SPECC1L: variants seen among roughly 807,000 people sequenced by gnomAD.
The protein encoded by SPECC1L is sperm antigen with calponin homology and coiled-coil domains 1 like, also known as cytospin-A.
A neutral mutation model predicts 116.8 loss-of-function variants in SPECC1L; 40 were observed. The observed-to-expected ratio is 0.34, with a 90% CI of 0.27 to 0.45. The LOEUF is 0.45. Among genes scored for constraint, SPECC1L ranks in the 20% least tolerant of loss-of-function variants. SPECC1L has a pLI of 1.00. For synonymous variants in SPECC1L, 504 were observed against 500.6 expected, an observed-to-expected ratio of 1.01 and a Z score of -0.09; for missense variants, 1,110 against 1,373.6, an observed-to-expected ratio of 0.81 and a Z score of 3.03.
At chr22:24,382,993 C>T (rs1475088401) in intron 14 of SPECC1L, among the ~76,000 whole-genome samples, 1 of 152,120 alleles carries the variant, frequency 6.6e-6, no homozygotes, top group Admixed American at 6.6e-5. Flanking sequence ...AGAGCTATTA[C>T]CAAAGACTTA....
intron 11 of SPECC1L, among the ~76,000 whole-genome samples, chr22:24,357,795 C>A (rs543789416): frequency 1.3e-5 from 2 of 152,290 alleles, no homozygotes; most frequent in Non-Finnish European, 1.5e-5. Flanking sequence ...TTTCTTAATG[C>A]CTGCTCCAAT....
At chr22:24,317,686 G>A (rs1364953728) in intron 4 of SPECC1L, among the ~76,000 whole-genome samples, 7 of 150,024 alleles carry the variant, frequency 4.7e-5, no homozygotes, top group South Asian at 2.1e-4. Context: ...CCTCCTGGAC[G>A]GGGTGGCTGC....
intron 1 of SPECC1L, 109 bp downstream of exon 1, chr22:24,271,092 A>G (rs1442962859): frequency 2.6e-5 from 4 of 152,082 alleles, no homozygotes; most frequent in Admixed American, 6.5e-5. Context: ...CGGCAGGCCC[A>G]GCGCCTGCGC....
rs1378962818 is a variant in SPECC1L at position 24,399,754 on chromosome 22, C to T, written c.3088-11834C>T. ...TCCCACAGAATCAGGGATGGCTTCC[C>T]TTTCTTGGGAATAGCCATTTACAGA... On this transcript the variant is annotated intron_variant, in intron 14 of 16. Transcript: ENST00000314328. 2.6e-5 allele frequency among the ~76,000 whole-genome samples: 4 copies of T among 152,144 alleles called. No homozygotes were observed. In the East Asian group the frequency reaches 7.7e-4, roughly 29 times the overall value.
At chr22:24,308,664 C>G (rs1253377810) in intron 3 of SPECC1L, among the ~76,000 whole-genome samples, 1 of 151,548 alleles carries the variant, frequency 6.6e-6, no homozygotes, top group Non-Finnish European at 1.5e-5. Flanking sequence ...CTTTTTTTTA[C>G]TAGACTTTTC....
chr22:24,298,110 A>C (rs374126688), intron 2 of SPECC1L, among the ~76,000 whole-genome samples: 98 of 152,264 alleles, frequency 6.4e-4, no homozygotes, highest in African/African-American at 2.2e-3. Flanking sequence ...TTTTGAATGT[A>C]ATGTATAATA....
intron 14 of SPECC1L, among the ~76,000 whole-genome samples, chr22:24,391,100 C>A (rs960289398): frequency 6.6e-6 from 1 of 151,894 alleles, no homozygotes; most frequent in African/African-American, 2.4e-5. Context: ...TGGTCTCAAT[C>A]TCCTGATCTT....
intron 11 of SPECC1L, among the ~76,000 whole-genome samples, chr22:24,358,241 A>G (rs1217196350): frequency 6.6e-6 from 1 of 151,188 alleles, no homozygotes; most frequent in Non-Finnish European, 1.5e-5. Flanking sequence ...CAGTCCCCCA[A>G]GTAGCTAGGG....
At chr22:24,297,812 G>C (rs2049297350) in intron 2 of SPECC1L, among the ~76,000 whole-genome samples, 1 of 152,240 alleles carries the variant, frequency 6.6e-6, no homozygotes, top group African/African-American at 2.4e-5. Context: ...TATCCATGCT[G>C]TGTGTGCTGC....
At chr22:24,289,114 C>T (rs2146360872) in intron 2 of SPECC1L, among the ~76,000 whole-genome samples, 1 of 152,274 alleles carries the variant, frequency 6.6e-6, no homozygotes, top group Non-Finnish European at 1.5e-5. Context: ...GTTTAAACTG[C>T]CTGCCAAGAG....
chr22:24,412,965 C>T (rs190298735), intron 16 of SPECC1L, among the ~76,000 whole-genome samples: 3 of 152,288 alleles, frequency 2.0e-5, no homozygotes, highest in African/African-American at 7.2e-5. Flanking sequence ...AGGCCTGAGA[C>T]CATGGGCCCA....
At chr22:24,399,595 A>G (rs946248723) in intron 14 of SPECC1L, among the ~76,000 whole-genome samples, 1 of 152,190 alleles carries the variant, frequency 6.6e-6, no homozygotes, top group Non-Finnish European at 1.5e-5. Flanking sequence ...AAAAAGTTAA[A>G]GCATATTAAA....
chr22:24,352,588 T>C (rs534927987), intron 11 of SPECC1L, among the ~76,000 whole-genome samples: 4 of 152,238 alleles, frequency 2.6e-5, no homozygotes, highest in Admixed American at 6.5e-5. Context: ...AGTTAGGAGG[T>C]TTTACTGGAA....
chr22:24,410,263 G>A (rs2042669375), intron 14 of SPECC1L, among the ~76,000 whole-genome samples: 1 of 152,188 alleles, frequency 6.6e-6, no homozygotes, highest in South Asian at 2.1e-4. Flanking sequence ...TGAACTCCTG[G>A]GCTCAAGGGA....
At chr22:24,396,741 G>A (rs1187255084) in intron 14 of SPECC1L, among the ~76,000 whole-genome samples, 1 of 152,106 alleles carries the variant, frequency 6.6e-6, no homozygotes, top group Non-Finnish European at 1.5e-5. Context: ...TAGAAGTTGC[G>A]TTTCACGTGG....
intron 3 of SPECC1L, among the ~76,000 whole-genome samples, chr22:24,303,338 C>G (rs1325790791): frequency 6.6e-6 from 1 of 152,160 alleles, no homozygotes; most frequent in African/African-American, 2.4e-5. Context: ...AGCTGTGGCC[C>G]TGAGGAATTG....
intron 14 of SPECC1L, among the ~76,000 whole-genome samples, chr22:24,376,667 G>A (rs945602967): frequency 4.6e-5 from 7 of 152,146 alleles, no homozygotes; most frequent in Non-Finnish European, 1.0e-4. Flanking sequence ...GAAAGAAGCC[G>A]AACATAAAAC....
chr22:24,279,390 A>G (rs962461370), intron 2 of SPECC1L, among the ~76,000 whole-genome samples: 7 of 152,052 alleles, frequency 4.6e-5, no homozygotes, highest in Non-Finnish European at 8.8e-5. Context: ...GACTTTGTTT[A>G]CTTTTTATTT....
At position 24,320,409 on chromosome 22, in the gene SPECC1L, C is replaced by T. The variant is rs187454671; in HGVS notation, c.308-879C>T. On this transcript the variant is annotated intron_variant, in intron 4 of 16. Transcript: ENST00000314328. ...ATGTGATTCACGTAGATTTGATTGA[C>T]GCATCATCATTATTTAACATTAGTG... is the stretch of plus-strand genomic sequence containing the variant. Among the ~76,000 whole-genome samples, 28 of 152,260 alleles carry T rather than the reference C, an allele frequency of 1.8e-4. No individual in the cohort carries two copies. The East Asian group carries it at 4.2e-3, about 23-fold the overall frequency.
Sources: allele counts gnomAD v4.1 joint callset (sites outside exome capture counted in the v4.1 genomes callset), GRCh38; gene constraint gnomAD v4.1.1; transcripts MANE v1.5; gene names NCBI Gene and HGNC (gene_info 2026-07-23, HGNC 2026-07-21).